Variants in ADGRL3 observed in about 807,000 individuals in gnomAD.
The protein encoded by ADGRL3 is adhesion G protein-coupled receptor L3.
A neutral mutation model predicts 153.5 loss-of-function variants in ADGRL3; 62 were observed. That is an observed-to-expected ratio of 0.40 (90% CI 0.33 to 0.50). The LOEUF (loss-of-function observed/expected upper bound fraction) is 0.50. Ranked by LOEUF, ADGRL3 falls within the 20% of genes least tolerant of loss-of-function variation. ADGRL3 has a pLI of 0.47. For missense variants in ADGRL3, 1,641 were observed against 1,859.4 expected, an observed-to-expected ratio of 0.88 and a Z score of 2.16; for synonymous variants, 710 against 672.5, an observed-to-expected ratio of 1.06 and a Z score of -0.86.
intron 5 of ADGRL3, among the ~76,000 whole-genome samples, chr4:61,598,874 A>G (rs530696217): frequency 4.6e-5 from 7 of 152,254 alleles, no homozygotes; most frequent in African/African-American, 1.4e-4. Context: ...TAGAGCAGAC[A>G]TAATTATTTT....
chr4:61,569,918 TTTC>T (rs1315780028), intron 4 of ADGRL3, among the ~76,000 whole-genome samples: 2 of 152,166 alleles, frequency 1.3e-5, no homozygotes, highest in African/African-American at 4.8e-5. Context: ...ATCTACTTCA[TTTC>T]TTTTTATTGC....
chr4:61,367,039 T>C, intron 1 of ADGRL3, among the ~76,000 whole-genome samples: 1 of 152,198 alleles, frequency 6.6e-6, no homozygotes. Context: ...AATCTAAATA[T>C]ATAAAAGTTT....
intron 4 of ADGRL3, among the ~76,000 whole-genome samples, chr4:61,528,354 G>A (rs896624074): frequency 1.1e-4 from 17 of 151,996 alleles, no homozygotes; most frequent in Admixed American, 2.6e-4. Context: ...GTTGGAATAT[G>A]ACAACACTAT....
chr4:62,052,179 T>G (rs1357668015), intron 25 of ADGRL3, among the ~76,000 whole-genome samples: 1 of 151,646 alleles, frequency 6.6e-6, no homozygotes, highest in Admixed American at 6.6e-5. Context: ...AACAAGGTCT[T>G]TCAGACCACA....
intron 11 of ADGRL3, among the ~76,000 whole-genome samples, chr4:61,905,397 C>T (rs1305849858): frequency 6.6e-6 from 1 of 152,126 alleles, no homozygotes; most frequent in Non-Finnish European, 1.5e-5. Flanking sequence ...ACATTTATAT[C>T]ACTTTATGAA....
intron 24 of ADGRL3, among the ~76,000 whole-genome samples, chr4:62,038,696 G>A (rs1160273284): frequency 1.3e-5 from 2 of 152,086 alleles, no homozygotes; most frequent in Non-Finnish European, 2.9e-5. Context: ...CTTCCCCCTG[G>A]GTTCGAGCAA....
chr4:61,690,878 T>C (rs575197772), intron 6 of ADGRL3, among the ~76,000 whole-genome samples: 3 of 152,228 alleles, frequency 2.0e-5, no homozygotes, highest in Admixed American at 2.0e-4. Context: ...TTCAAGAAAC[T>C]TGCCTGCTTA....
At chr4:61,890,403 A>G (rs564773877) in intron 9 of ADGRL3, among the ~76,000 whole-genome samples, 1 of 152,314 alleles carries the variant, frequency 6.6e-6, no homozygotes, top group Non-Finnish European at 1.5e-5. Context: ...ATAAAAACAG[A>G]ATAGTTTCTT....
chr4:61,313,498 C>G (rs2095092406), intron 1 of ADGRL3, among the ~76,000 whole-genome samples: 1 of 152,030 alleles, frequency 6.6e-6, no homozygotes, highest in Non-Finnish European at 1.5e-5. Context: ...GGGGAGAAGG[C>G]CAGGTATTAT....
intron 1 of ADGRL3, among the ~76,000 whole-genome samples, chr4:61,364,331 C>CAA (rs33966342): frequency 3.1e-5 from 4 of 128,078 alleles, no homozygotes; most frequent in Non-Finnish European, 4.9e-5. Flanking sequence ...GACTCCGTCT[C>CAA]AAAAAAAAAA....
chr4:61,869,339 C>G (rs962352682), intron 9 of ADGRL3, among the ~76,000 whole-genome samples: 1 of 151,962 alleles, frequency 6.6e-6, no homozygotes, highest in Non-Finnish European at 1.5e-5. Flanking sequence ...TGGCTCACGC[C>G]TGTAATCCCA....
intron 8 of ADGRL3, among the ~76,000 whole-genome samples, chr4:61,757,414 G>T (rs1328090072): frequency 1.3e-5 from 2 of 152,126 alleles, no homozygotes; most frequent in Admixed American, 1.3e-4. Flanking sequence ...GCATAGAGGT[G>T]TTTATAGTAT....
intron 17 of ADGRL3, among the ~76,000 whole-genome samples, chr4:61,975,904 G>A (rs939468703): frequency 2.0e-5 from 3 of 152,104 alleles, no homozygotes; most frequent in African/African-American, 7.2e-5. Context: ...GGAAGCAGGA[G>A]GGCAGAATAG....
chr4:61,946,906 T>C lies in ADGRL3; in HGVS notation c.2420-8T>C, dbSNP rs772581323. 2.5e-6 allele frequency: 4 copies of C among 1,609,366 alleles called. No individual in the cohort carries two copies. The highest frequency in any genetic ancestry group is 3.4e-6 in the Non-Finnish European group (4 of 1,175,918). On this transcript the variant is annotated splice_polypyrimidine_tract_variant and splice_region_variant and intron_variant, in intron 15 of 26. Transcript: ENST00000683033. ...GGACAAACTAATCAGAGTTTGCATT[T>C]ACTTTAGGAGAGATCAGAGTGGCCT...
At chr4:61,475,740 T>G (rs1189076991) in intron 2 of ADGRL3, among the ~76,000 whole-genome samples, 1 of 152,188 alleles carries the variant, frequency 6.6e-6, no homozygotes. Flanking sequence ...TTCAAAAATA[T>G]TAAATCAGTG....
chr4:61,417,994 C>G (rs1477007810), intron 2 of ADGRL3, among the ~76,000 whole-genome samples: 1 of 152,062 alleles, frequency 6.6e-6, no homozygotes, highest in Non-Finnish European at 1.5e-5. Flanking sequence ...AAATACTGGA[C>G]AAGGGGAGGA....
At chr4:61,466,343 T>C (rs985459237) in intron 2 of ADGRL3, among the ~76,000 whole-genome samples, 6 of 152,172 alleles carry the variant, frequency 3.9e-5, no homozygotes, top group African/African-American at 1.4e-4. Flanking sequence ...TAACTCAGCA[T>C]ACGCTTTTGC....
Position 61,200,414 on chromosome 4 carries a change from C to A in ADGRL3, c.-1591C>A, listed in dbSNP as rs935152222. Among the ~76,000 whole-genome samples, 2 of 151,764 alleles carry A rather than the reference C, an allele frequency of 1.3e-5. No individual in the cohort carries two copies. The highest frequency in any genetic ancestry group is 4.8e-5 in the African/African-American group (2 of 41,360). On this transcript the variant is annotated 5_prime_UTR_variant, in exon 1 of 27. Transcript: ENST00000683033. ...CGCCCGCGCTCTGACCCGCTGTCTGCGCGTCGCCCCCCTCGCCTGCTGGCC... is the reference window on the plus strand; with the variant it reads ...CGCCCGCGCTCTGACCCGCTGTCTGAGCGTCGCCCCCCTCGCCTGCTGGCC...
intron 2 of ADGRL3, among the ~76,000 whole-genome samples, chr4:61,441,619 A>G (rs569146130): frequency 2.0e-5 from 3 of 152,014 alleles, no homozygotes; most frequent in South Asian, 2.1e-4. Flanking sequence ...TCCTGGGTTC[A>G]AGCAATTCTC....
Sources: allele counts gnomAD v4.1 joint callset (sites outside exome capture counted in the v4.1 genomes callset), GRCh38; gene constraint gnomAD v4.1.1; transcripts MANE v1.5; gene names NCBI Gene and HGNC (gene_info 2026-07-23, HGNC 2026-07-21).